CSMD1: variants seen among roughly 807,000 people sequenced by gnomAD.
CSMD1 encodes the protein CUB and sushi domain-containing protein 1.
Under a neutral mutation model 417.5 loss-of-function variants are expected in CSMD1, and 213 were observed. That is an observed-to-expected ratio of 0.51 (90% CI 0.46 to 0.57). The LOEUF is 0.57. CSMD1 is among the 20% of genes least tolerant of loss of function. The pLI is 0.00. For synonymous variants in CSMD1, 2,862 were observed against 1,736.8 expected (o/e 1.65, Z -16.11); for missense variants, 6,923 against 4,529.7 (o/e 1.53, Z -15.17).
intron 3 of CSMD1, among the ~76,000 whole-genome samples, 187 bp from the exon 4 acceptor site, chr8:4,032,286 A>G (rs1585169992): frequency 6.6e-6 from 1 of 152,374 alleles, no homozygotes; most frequent in East Asian, 1.9e-4. Context: ...TCTGCAGTAT[A>G]ACACTTTTAT....
chr8:3,778,902 GT>G (rs1799032039), intron 5 of CSMD1, among the ~76,000 whole-genome samples: 1 of 152,198 alleles, frequency 6.6e-6, no homozygotes, highest in Admixed American at 6.5e-5. Context: ...TAGGACAGGA[GT>G]TCCCGGATCA....
chr8:4,124,517 C>A (rs1802656075), intron 3 of CSMD1, among the ~76,000 whole-genome samples: 1 of 152,150 alleles, frequency 6.6e-6, no homozygotes, highest in Non-Finnish European at 1.5e-5. Context: ...AGTGTGTCTT[C>A]AAGTATCAAA....
At chr8:4,040,473 C>G (rs747118314) in intron 3 of CSMD1, among the ~76,000 whole-genome samples, 2 of 152,138 alleles carry the variant, frequency 1.3e-5, no homozygotes, top group African/African-American at 2.4e-5. Flanking sequence ...GATTCAGAAT[C>G]TCTACTTGCA....
chr8:3,327,002 C>T (rs1022239866), intron 23 of CSMD1, among the ~76,000 whole-genome samples: 2 of 151,742 alleles, frequency 1.3e-5, no homozygotes, highest in African/African-American at 4.8e-5. Flanking sequence ...TAGAGCAAGA[C>T]CCTACTCTCC....
At chr8:3,218,597 C>T (rs1168733849) in intron 29 of CSMD1, among the ~76,000 whole-genome samples, 1 of 148,560 alleles carries the variant, frequency 6.7e-6, no homozygotes, top group Admixed American at 6.7e-5. Flanking sequence ...TTTGGCTGGG[C>T]ACGGTGACTC....
intron 3 of CSMD1, among the ~76,000 whole-genome samples, chr8:4,234,340 G>C (rs1282356757): frequency 6.6e-6 from 1 of 152,092 alleles, no homozygotes; most frequent in African/African-American, 2.4e-5. Flanking sequence ...ATGGGCCGAG[G>C]CTCCTGAAGC....
intron 3 of CSMD1, among the ~76,000 whole-genome samples, chr8:4,121,836 A>T (rs1802504534): frequency 6.6e-6 from 1 of 151,952 alleles, no homozygotes; most frequent in Admixed American, 6.6e-5. Flanking sequence ...TGGGGGGGAC[A>T]AAAAAAGCAT....
chr8:4,702,005 G>A (rs1010926026), intron 1 of CSMD1, among the ~76,000 whole-genome samples: 2 of 152,122 alleles, frequency 1.3e-5, no homozygotes, highest in Admixed American at 6.6e-5. Context: ...AACTAACTCA[G>A]GAACAGAAAA....
At chr8:3,492,519 T>C (rs1035829256) in intron 11 of CSMD1, among the ~76,000 whole-genome samples, 11 of 152,192 alleles carry the variant, frequency 7.2e-5, no homozygotes, top group African/African-American at 2.7e-4. Context: ...AGAAGCTATC[T>C]GTGGAGTTGC....
At chr8:4,803,337 C>G (rs370090950) in intron 1 of CSMD1, among the ~76,000 whole-genome samples, 1 of 152,004 alleles carries the variant, frequency 6.6e-6, no homozygotes, top group Admixed American at 6.5e-5. Flanking sequence ...AATAAGCCTT[C>G]GAAATATAAA....
At chr8:3,873,133 A>C (rs777769315) in intron 5 of CSMD1, among the ~76,000 whole-genome samples, 4 of 152,134 alleles carry the variant, frequency 2.6e-5, no homozygotes, top group East Asian at 1.9e-4. Context: ...ACTATTGAGG[A>C]AACTAGTATG....
intron 2 of CSMD1, among the ~76,000 whole-genome samples, chr8:4,625,912 C>T (rs60019239): frequency 0.015 from 2,274 of 152,120 alleles, 61 homozygotes; most frequent in African/African-American, 0.053. Flanking sequence ...TTGGTAGAGA[C>T]GGGGTTTCAC....
At chr8:3,672,225 T>C (rs1210837700) in intron 7 of CSMD1, among the ~76,000 whole-genome samples, 2 of 152,178 alleles carry the variant, frequency 1.3e-5, no homozygotes, top group Admixed American at 6.5e-5. Context: ...GATTTGTTAT[T>C]TGCTCATAAG....
At chr8:3,579,496 T>C (rs1388100548) in intron 9 of CSMD1, among the ~76,000 whole-genome samples, 1 of 152,216 alleles carries the variant, frequency 6.6e-6, no homozygotes, top group African/African-American at 2.4e-5. Flanking sequence ...AGAAGCTTTT[T>C]TTAAAGCAAA....
At chr8:3,240,194 G>A (rs112557861) in intron 26 of CSMD1, among the ~76,000 whole-genome samples, 4,780 of 152,104 alleles carry the variant, frequency 0.031, 206 homozygotes, top group Admixed American at 0.096. Flanking sequence ...TTCTGACTGC[G>A]CAGCCCACAC....
At chr8:3,932,769 G>A (rs1399025948) in intron 5 of CSMD1, among the ~76,000 whole-genome samples, 1 of 150,134 alleles carries the variant, frequency 6.7e-6, no homozygotes, top group Non-Finnish European at 1.5e-5. Flanking sequence ...TAACCATAAA[G>A]GTTAATGAAG....
chr8:4,806,446 A>ACCCT (rs145162626), intron 1 of CSMD1, among the ~76,000 whole-genome samples: 8,382 of 152,112 alleles, frequency 0.055, 375 homozygotes, highest in East Asian at 0.23. Flanking sequence ...TGCCATCAAC[A>ACCCT]CCCTGCCTGC....
At chr8:3,945,239 G>GA (rs1406293672) in intron 5 of CSMD1, among the ~76,000 whole-genome samples, 4 of 148,538 alleles carry the variant, frequency 2.7e-5, no homozygotes, top group African/African-American at 9.9e-5. Flanking sequence ...CTTTAGACGT[G>GA]AAAAATTAAT....
intron 3 of CSMD1, among the ~76,000 whole-genome samples, chr8:4,087,238 C>T (rs971086370): frequency 1.6e-4 from 25 of 152,150 alleles, no homozygotes; most frequent in Non-Finnish European, 2.9e-5. Context: ...ACGGCTAAGT[C>T]CACCATGGCC....
Sources: gnomAD v4.1 joint callset for allele counts (sites outside exome capture counted in the v4.1 genomes callset) on GRCh38, gnomAD v4.1.1 for gene constraint, MANE v1.5 for transcripts, NCBI Gene and HGNC (gene_info 2026-07-23, HGNC 2026-07-21) for gene names.